DRC8: variants seen among roughly 807,000 people sequenced by gnomAD.
The protein encoded by DRC8 is dynein regulatory complex subunit 8.
chr1:245,056,852 G>T, the DRC8 span, among the ~76,000 whole-genome samples: 1 of 148,152 alleles, frequency 6.7e-6, no homozygotes, highest in Non-Finnish European at 1.5e-5. Flanking sequence ...CAGGAGAATT[G>T]CTTGAACCCG....
chr1:245,038,870 A>C, the DRC8 span, among the ~76,000 whole-genome samples: 1 of 151,752 alleles, frequency 6.6e-6, no homozygotes, highest in South Asian at 2.1e-4. Flanking sequence ...ATAAAATTTT[A>C]CATAATAAAA....
At chr1:245,009,770 C>G in the DRC8 span, among the ~76,000 whole-genome samples, 1 of 152,082 alleles carries the variant, frequency 6.6e-6, no homozygotes. Flanking sequence ...CCCAGCCCCC[C>G]AAATGATTTT....
chr1:245,082,132 C>T, the DRC8 span: 1,862 of 1,612,726 alleles, frequency 1.2e-3, 23 homozygotes, highest in African/African-American at 0.02. Flanking sequence ...AAATTTCTTC[C>T]GGTGATGACA....
At chr1:245,080,121 A>C in the DRC8 span, among the ~76,000 whole-genome samples, 1 of 152,238 alleles carries the variant, frequency 6.6e-6, no homozygotes, top group African/African-American at 2.4e-5. Flanking sequence ...TGTTCCACTT[A>C]GCAGCAACCT....
chr1:245,118,795 A>AAAAGAAAAG, the DRC8 span, among the ~76,000 whole-genome samples: 5 of 138,484 alleles, frequency 3.6e-5, no homozygotes, highest in Admixed American at 7.9e-5. Flanking sequence ...GCCATCTCAA[A>AAAAGAAAAG]AAAAGAAAAG....
the DRC8 span, among the ~76,000 whole-genome samples, chr1:245,114,529 G>T: frequency 6.6e-6 from 1 of 151,972 alleles, no homozygotes; most frequent in Middle Eastern, 3.2e-3. Flanking sequence ...CATCCATGGG[G>T]ACACCACCAT....
the DRC8 span, among the ~76,000 whole-genome samples, chr1:245,118,820 GA>G: frequency 6.6e-6 from 1 of 151,316 alleles, no homozygotes; most frequent in Non-Finnish European, 1.5e-5. Context: ...GAAAAGAAAA[GA>G]AAAGAAAAGA....
At chr1:245,084,701 G>T in the DRC8 span, among the ~76,000 whole-genome samples, 3 of 152,180 alleles carry the variant, frequency 2.0e-5, no homozygotes, top group Admixed American at 6.5e-5. Context: ...CTGGTTCACA[G>T]ACTGGGTCCT....
At chr1:244,970,764 T>G in the DRC8 span, 45 of 374,482 alleles carry the variant, frequency 1.2e-4, no homozygotes, top group Admixed American at 3.9e-4. Flanking sequence ...CCTCTTCCCC[T>G]CCTCCCGCCC....
At chr1:245,099,692 G>A in the DRC8 span, among the ~76,000 whole-genome samples, 2 of 152,218 alleles carry the variant, frequency 1.3e-5, no homozygotes, top group Non-Finnish European at 2.9e-5. Context: ...CGCTTGAGGG[G>A]GTGGTGAGAA....
the DRC8 span, among the ~76,000 whole-genome samples, chr1:245,118,018 TG>T: frequency 2.0e-5 from 3 of 152,122 alleles, no homozygotes; most frequent in Non-Finnish European, 4.4e-5. Context: ...TTCCAGGCTG[TG>T]GGATGTTTAC....
At chr1:245,092,151 G>A in the DRC8 span, among the ~76,000 whole-genome samples, 1 of 152,206 alleles carries the variant, frequency 6.6e-6, no homozygotes, top group Non-Finnish European at 1.5e-5. Context: ...ACCTCTGTCT[G>A]TAAAATAGAG....
the DRC8 span, among the ~76,000 whole-genome samples, chr1:245,056,484 A>T: frequency 6.6e-6 from 1 of 152,332 alleles, no homozygotes; most frequent in South Asian, 2.1e-4. Context: ...GCACAGTGGA[A>T]TTCTCACTTT....
chr1:245,124,709 T>G, the DRC8 span: 2 of 151,376 alleles, frequency 1.3e-5, no homozygotes, highest in Non-Finnish European at 2.9e-5. Flanking sequence ...TTTCAGATCC[T>G]GAATTCCAGC....
At chr1:245,071,300 C>T in the DRC8 span, among the ~76,000 whole-genome samples, 268 of 152,186 alleles carry the variant, frequency 1.8e-3, 1 homozygote, top group African/African-American at 6.2e-3. Flanking sequence ...GATGAGGGCT[C>T]AGAGAAGAGA....
At chr1:245,025,648 T>A in the DRC8 span, among the ~76,000 whole-genome samples, 1 of 152,186 alleles carries the variant, frequency 6.6e-6, no homozygotes, top group Non-Finnish European at 1.5e-5. Flanking sequence ...CAGTGCGACC[T>A]TATTTTTAGT....
At chr1:245,025,257 A>G in the DRC8 span, among the ~76,000 whole-genome samples, 1 of 152,256 alleles carries the variant, frequency 6.6e-6, no homozygotes, top group East Asian at 1.9e-4. Flanking sequence ...TAATTTGAAA[A>G]TGACTCTAAT....
the DRC8 span, among the ~76,000 whole-genome samples, chr1:245,054,863 C>G: frequency 6.6e-6 from 1 of 152,190 alleles, no homozygotes; most frequent in Admixed American, 6.5e-5. Context: ...TGGATGTTGG[C>G]ACAAGACTTG....
the DRC8 span, among the ~76,000 whole-genome samples, chr1:244,985,016 A>G: frequency 6.7e-6 from 1 of 150,004 alleles, no homozygotes; most frequent in Admixed American, 6.6e-5. Context: ...ATGTCTTCCC[A>G]TTACCCTTAG....
Sources: gnomAD v4.1 joint callset for allele counts (sites outside exome capture counted in the v4.1 genomes callset) on GRCh38, gnomAD v4.1.1 for gene constraint, MANE v1.5 for transcripts, NCBI Gene and HGNC (gene_info 2026-07-23, HGNC 2026-07-21) for gene names.